Variants in HMMR observed in about 807,000 individuals in gnomAD.
HMMR encodes hyaluronan mediated motility receptor, also known as intracellular hyaluronic acid-binding protein.
HMMR carries 108 observed loss-of-function variants against 101.0 expected under a neutral mutation model. That is an observed-to-expected ratio of 1.07 (90% CI 0.92 to 1.25). HMMR has a LOEUF of 1.25. HMMR is among the 50% of genes most tolerant of loss of function. HMMR has a pLI of 0.00. For synonymous variants in HMMR, 296 were observed against 276.4 expected, an observed-to-expected ratio of 1.07 and a Z score of -0.70; for missense variants, 813 against 788.7, an observed-to-expected ratio of 1.03 and a Z score of -0.37.
intron 11 of HMMR, among the ~76,000 whole-genome samples, chr5:163,478,012 A>G (rs1209210731): frequency 6.6e-6 from 1 of 152,158 alleles, no homozygotes; most frequent in Non-Finnish European, 1.5e-5. Flanking sequence ...CACAATGCTT[A>G]TTTACAATTT....
At chr5:163,465,491 C>T (rs1418947725) in intron 3 of HMMR, among the ~76,000 whole-genome samples, 2 of 152,128 alleles carry the variant, frequency 1.3e-5, no homozygotes, top group Non-Finnish European at 2.9e-5. Flanking sequence ...CGCCCCACCA[C>T]GCCCAGTTAC....
chr5:163,488,921 T>A (rs1224606161), intron 16 of HMMR, among the ~76,000 whole-genome samples: 2 of 152,164 alleles, frequency 1.3e-5, no homozygotes, highest in African/African-American at 4.8e-5. Flanking sequence ...GTATCTTAAA[T>A]CTCCTCCCAT....
chr5:163,465,544 AG>A (rs1488217853), intron 3 of HMMR, among the ~76,000 whole-genome samples: 5 of 2,674 alleles, frequency 1.9e-3, no homozygotes, highest in Non-Finnish European at 4.0e-3. Flanking sequence ...CATATTAGCC[AG>A]TTGGGCAGGC....
At chr5:163,484,385 A>T (rs1420158838) in intron 16 of HMMR, 140 bp downstream of exon 16, 1 of 542,488 alleles carries the variant, frequency 1.8e-6, no homozygotes, top group Non-Finnish European at 3.2e-6. Context: ...GATTTAGTGG[A>T]TTTATTTTAG....
intron 10 of HMMR, 42 bp from the exon 11 acceptor site, chr5:163,475,416 T>C: frequency 8.3e-7 from 1 of 1,204,706 alleles, no homozygotes; most frequent in Non-Finnish European, 1.2e-6. Context: ...AACCTCACAA[T>C]GCCATTCCAA....
rs62394892 is a variant in HMMR, at chr5:163,469,234, C to T, written c.274-407C>T. Among the ~76,000 whole-genome samples the T allele has an allele frequency of 9.2e-5, 14 of 151,884 alleles. No individual in the cohort carries two copies. The South Asian group carries it at 1.7e-3, about 18-fold the overall frequency. ...AAAAAATTAGCCGGGTGTGGTGGCC[C>T]GTGCTGGTAGTCCCAGCTATTCGGG... On this transcript the variant is annotated intron_variant, in intron 4 of 17. Transcript: ENST00000393915.
In HMMR at chr5:163,460,698, C is replaced by G. The variant is rs538045195; in HGVS notation, c.6C>G (p.Ser2=). 1 of 1,606,854 alleles carries G rather than the reference C, an allele frequency of 6.2e-7. No individual in the cohort carries two copies. Among genetic ancestry groups the G allele is most frequent in the South Asian group, 1.1e-5 (1 of 89,538 alleles). ...TTCTGGAGCTGGCCGTCAACATGTCCTTTCCTAAGGCGCCCTTGAAACGAT... is the reference window on the plus strand; with the variant it reads ...TTCTGGAGCTGGCCGTCAACATGTCGTTTCCTAAGGCGCCCTTGAAACGAT... M[S]FPKAPLKRFN... The change falls in exon 1 of 18, where the codon TCC becomes TCG. Residue 2 remains serine, a synonymous_variant. Transcript: ENST00000393915.
At chr5:163,464,993 G>A (rs533933400) in intron 3 of HMMR, 191 bp downstream of exon 3, 2 of 547,644 alleles carry the variant, frequency 3.7e-6, no homozygotes, top group African/African-American at 3.8e-5. Flanking sequence ...GTTTAAATGT[G>A]CCCTTAGTTC....
rs944427595 is a variant in HMMR, at chr5:163,485,784, T to A, written c.1962+1539T>A. ...TCTAAGAGATTTATAGTTTTAGCTC[T>A]TACATTTAGATTATTGATTGATTTT... On this transcript the variant is annotated intron_variant, in intron 16 of 17. Transcript: ENST00000393915. Among the ~76,000 whole-genome samples, 32 of 152,216 alleles carry A rather than the reference T, an allele frequency of 2.1e-4. 1 individual carries two copies. The highest frequency in any genetic ancestry group is 2.1e-3 in the Admixed American group (32 of 15,278).
chr5:163,483,004 C>G lies in HMMR; in HGVS notation c.1533-16C>G, dbSNP rs1759327986. 1 of 1,567,134 alleles carries G rather than the reference C, an allele frequency of 6.4e-7. No homozygotes were observed. Among genetic ancestry groups the G allele is most frequent in the Non-Finnish European group, 8.6e-7 (1 of 1,162,776 alleles). ...GCTATAAAATGTTTAGTGACCTCTT[C>G]TCTCTCAAACCAAAGGATGCTTCTA... On this transcript the variant is annotated splice_polypyrimidine_tract_variant and intron_variant, in intron 13 of 17. Coordinates refer to ENST00000393915, the MANE Select transcript of HMMR (RefSeq NM_001142556.2).
intron 10 of HMMR, among the ~76,000 whole-genome samples, chr5:163,474,942 G>C (rs768057526): frequency 1.5e-4 from 23 of 151,886 alleles, no homozygotes; most frequent in Non-Finnish European, 2.8e-4. Context: ...TAAGTGTAAA[G>C]AAAAATACCA....
chr5:163,473,058 G>A, intron 7 of HMMR, 121 bp from the exon 8 acceptor site: 2 of 541,044 alleles, frequency 3.7e-6, no homozygotes, highest in South Asian at 4.8e-5. Context: ...TAAAATAATA[G>A]TTAAGAGTTA....
intron 1 of HMMR, among the ~76,000 whole-genome samples, chr5:163,463,362 T>C (rs763384093): frequency 4.3e-4 from 66 of 152,372 alleles, no homozygotes; most frequent in Non-Finnish European, 7.6e-4. Flanking sequence ...TTTTCTTCCA[T>C]GTGTTTGAAT....
At chr5:163,466,414 G>A (rs1581188149) in intron 3 of HMMR, among the ~76,000 whole-genome samples, 2 of 152,200 alleles carry the variant, frequency 1.3e-5, no homozygotes, top group Middle Eastern at 3.2e-3. Context: ...ATGTTGTTCT[G>A]TATGGAAGCA....
At chr5:163,472,270 A>T (rs1758921809) in intron 7 of HMMR, among the ~76,000 whole-genome samples, 1 of 151,836 alleles carries the variant, frequency 6.6e-6, no homozygotes, top group Non-Finnish European at 1.5e-5. Context: ...ATTCATCCAA[A>T]CCGTTCTGTA....
intron 1 of HMMR, among the ~76,000 whole-genome samples, chr5:163,462,827 CAAAAAAAAAA>C (rs72118799): frequency 1.4e-5 from 1 of 70,722 alleles, no homozygotes; most frequent in African/African-American, 5.2e-5. Context: ...GACTCCGTCT[CAAAAAAAAAA>C]AAAAAAAAAA....
intron 9 of HMMR, 135 bp downstream of exon 9, chr5:163,473,692 C>CTA (rs1334891069): frequency 1.7e-6 from 1 of 573,386 alleles, no homozygotes; most frequent in African/African-American, 1.9e-5. Flanking sequence ...AGCTATATAG[C>CTA]TATACAACAG....
chr5:163,464,829 T>C, intron 3 of HMMR, 27 bp downstream of exon 3: 1 of 1,412,114 alleles, frequency 7.1e-7, no homozygotes, highest in Non-Finnish European at 1.0e-6. Context: ...TGCCAGCTGG[T>C]TTATCAAGTG....
chr5:163,474,062 C>A lies in HMMR; in HGVS notation c.910C>A (p.His304Asn). Residue 304 changes from histidine (H) to asparagine (N), a missense_variant, in exon 10 of 18, where the codon CAT becomes AAT. By Grantham distance (68) the His-to-Asn change is moderately conservative. Transcript: ENST00000393915. ...TGATGTTTTGCGTTTTCTAGAAGAC[C>A]ATGTCAACAGGAATAGAGAACACAA... ...CQLLEKEKED[H>N]VNRNREHNEN... The A allele has an allele frequency of 6.2e-7, 1 of 1,606,586 alleles. No individual in the cohort carries two copies. Among genetic ancestry groups the A allele is most frequent in the South Asian group, 1.1e-5 (1 of 89,500 alleles).
Sources: allele counts gnomAD v4.1 joint callset (sites outside exome capture counted in the v4.1 genomes callset), GRCh38; gene constraint gnomAD v4.1.1; transcripts MANE v1.5; gene names NCBI Gene and HGNC (gene_info 2026-07-23, HGNC 2026-07-21).